Variants in GRID2 observed in about 807,000 individuals in gnomAD.
GRID2 encodes glutamate ionotropic receptor delta type subunit 2, also known as glutamate receptor ionotropic, delta-2.
GRID2 carries 33 observed loss-of-function variants against 114.8 expected under a neutral mutation model. The observed-to-expected ratio is 0.29, with a 90% CI of 0.22 to 0.38. The LOEUF is 0.38. Ranked by LOEUF, GRID2 falls within the 10% of genes least tolerant of loss-of-function variation. The pLI is 1.00. For missense variants in GRID2, 1,184 were observed against 1,257.7 expected, an observed-to-expected ratio of 0.94 and a Z score of 0.89; for synonymous variants, 505 against 449.9, an observed-to-expected ratio of 1.12 and a Z score of -1.55.
intron 2 of GRID2, among the ~76,000 whole-genome samples, chr4:93,006,173 A>G (rs761120392): frequency 6.6e-6 from 1 of 152,218 alleles, no homozygotes; most frequent in East Asian, 1.9e-4. Flanking sequence ...CCACAAAAAC[A>G]TTTTTAGCAT....
At chr4:93,075,881 C>A in intron 2 of GRID2, among the ~76,000 whole-genome samples, 1 of 108,228 alleles carries the variant, frequency 9.2e-6, no homozygotes, top group African/African-American at 3.9e-5. Context: ...GAAGTTACCT[C>A]TCTTTTTTTT....
chr4:92,517,688 C>G (rs1362545005), intron 1 of GRID2, among the ~76,000 whole-genome samples: 1 of 151,816 alleles, frequency 6.6e-6, no homozygotes, highest in Non-Finnish European at 1.5e-5. Flanking sequence ...TTTACCATAA[C>G]ATTTTCCAGA....
chr4:92,833,003 T>C (rs1352008646), intron 2 of GRID2, among the ~76,000 whole-genome samples: 1 of 152,100 alleles, frequency 6.6e-6, no homozygotes, highest in Non-Finnish European at 1.5e-5. Flanking sequence ...GATGTTATGT[T>C]TACAAAATCC....
intron 3 of GRID2, among the ~76,000 whole-genome samples, chr4:93,105,296 A>G (rs1424679240): frequency 1.3e-5 from 2 of 151,990 alleles, no homozygotes; most frequent in Non-Finnish European, 2.9e-5. Flanking sequence ...TGTTGTGCAG[A>G]AGCTCTTTAG....
chr4:93,134,631 A>AT (rs543843117), intron 4 of GRID2, among the ~76,000 whole-genome samples: 39 of 151,498 alleles, frequency 2.6e-4, no homozygotes, highest in South Asian at 8.4e-4. Context: ...AATGAACATC[A>AT]TTTTTTTTTA....
intron 1 of GRID2, among the ~76,000 whole-genome samples, chr4:92,390,207 G>A (rs1228830944): frequency 6.6e-6 from 1 of 152,060 alleles, no homozygotes. Context: ...CACACCTGGG[G>A]CTAGTTACCT....
intron 4 of GRID2, among the ~76,000 whole-genome samples, chr4:93,139,735 AACACAC>A (rs70942952): frequency 2.4e-4 from 35 of 147,980 alleles, no homozygotes; most frequent in Middle Eastern, 3.6e-3. Context: ...GTACTTTTGA[AACACAC>A]ACACACACAC....
chr4:93,728,873 T>C (rs1287776771), intron 14 of GRID2, among the ~76,000 whole-genome samples: 1 of 152,198 alleles, frequency 6.6e-6, no homozygotes, highest in African/African-American at 2.4e-5. Context: ...TTTGAGCCTA[T>C]GTGTGTCTCT....
At chr4:92,637,702 C>A (rs529580567) in intron 2 of GRID2, among the ~76,000 whole-genome samples, 1 of 151,892 alleles carries the variant, frequency 6.6e-6, no homozygotes, top group East Asian at 1.9e-4. Flanking sequence ...AACTTATTTG[C>A]GTGTTCTTTG....
chr4:92,428,942 T>A (rs567319686), intron 1 of GRID2, among the ~76,000 whole-genome samples: 1 of 152,162 alleles, frequency 6.6e-6, no homozygotes, highest in African/African-American at 2.4e-5. Flanking sequence ...GGTATACATG[T>A]GCCATGGTGG....
intron 2 of GRID2, among the ~76,000 whole-genome samples, chr4:93,023,681 C>A (rs939338895): frequency 6.6e-6 from 1 of 151,704 alleles, no homozygotes; most frequent in East Asian, 1.9e-4. Context: ...TCACATATAA[C>A]CTCAAATATC....
intron 13 of GRID2, among the ~76,000 whole-genome samples, chr4:93,569,746 C>T (rs72670643): frequency 0.012 from 1,768 of 152,168 alleles, 16 homozygotes; most frequent in South Asian, 0.018. Context: ...GTTTTTTCTT[C>T]CATGTGTATT....
chr4:93,431,395 G>A (rs1769392105), intron 10 of GRID2, among the ~76,000 whole-genome samples: 1 of 152,070 alleles, frequency 6.6e-6, no homozygotes, highest in South Asian at 2.1e-4. Flanking sequence ...AGAGAAAGCT[G>A]TCACTTAAGA....
At position 92,882,640 on chromosome 4, in the gene GRID2, A is replaced by G. The variant is rs1746109282; in HGVS notation, c.245-202355A>G. Reference sequence around the variant, plus strand: ...TCACATTAATATACATGCATACCTCAGAGATACTGTGGCTTCAGTTCCAGA... The same window carrying G: ...TCACATTAATATACATGCATACCTCGGAGATACTGTGGCTTCAGTTCCAGA... On this transcript the variant is annotated intron_variant, in intron 2 of 15. Coordinates refer to ENST00000282020, the MANE Select transcript of GRID2 (RefSeq NM_001510.4). 2.0e-5 allele frequency among the ~76,000 whole-genome samples: 3 copies of G among 152,140 alleles called. No homozygotes were observed. In the South Asian group the frequency reaches 6.2e-4, roughly 32 times the overall value.
At chr4:93,734,646 G>A (rs1459922284) in intron 14 of GRID2, among the ~76,000 whole-genome samples, 1 of 151,938 alleles carries the variant, frequency 6.6e-6, no homozygotes, top group Non-Finnish European at 1.5e-5. Context: ...ATCACCGACA[G>A]CCCAGACAAC....
intron 6 of GRID2, among the ~76,000 whole-genome samples, chr4:93,218,666 A>G (rs1170411385): frequency 1.3e-5 from 2 of 152,178 alleles, no homozygotes; most frequent in Non-Finnish European, 2.9e-5. Context: ...GTCAAAGTAA[A>G]TCTTCTGAAG....
intron 2 of GRID2, among the ~76,000 whole-genome samples, chr4:92,880,748 T>A (rs2149457072): frequency 6.6e-6 from 1 of 152,238 alleles, no homozygotes; most frequent in East Asian, 1.9e-4. Context: ...TGGACATAAT[T>A]TTGCTCTTTT....
At chr4:93,513,822 T>C (rs757007493) in intron 12 of GRID2, among the ~76,000 whole-genome samples, 14 of 152,312 alleles carry the variant, frequency 9.2e-5, no homozygotes, top group Non-Finnish European at 2.1e-4. Flanking sequence ...TAATGTATTG[T>C]TTCCAACACA....
intron 1 of GRID2, among the ~76,000 whole-genome samples, chr4:92,542,713 A>G (rs1275541579): frequency 6.6e-6 from 1 of 152,070 alleles, no homozygotes; most frequent in Non-Finnish European, 1.5e-5. Flanking sequence ...ACCAAATCTC[A>G]GAAATCACCA....
Sources: gnomAD v4.1 joint callset for allele counts (sites outside exome capture counted in the v4.1 genomes callset) on GRCh38, gnomAD v4.1.1 for gene constraint, MANE v1.5 for transcripts, NCBI Gene and HGNC (gene_info 2026-07-23, HGNC 2026-07-21) for gene names.